Variants in TDRD6 observed in about 807,000 individuals in gnomAD.
The protein encoded by TDRD6 is tudor domain containing 6.
In TDRD6, 186 loss-of-function variants were observed where a neutral mutation model predicts 157.5. The observed-to-expected ratio is 1.18, with a 90% CI of 1.05 to 1.33. The LOEUF (loss-of-function observed/expected upper bound fraction) is 1.33, where lower values mean the gene tolerates loss of function less well. Among genes scored for constraint, TDRD6 ranks in the 40% most tolerant of loss-of-function variants. TDRD6 has a pLI of 0.00. For missense variants in TDRD6, 3,066 were observed against 2,508.0 expected (o/e 1.22, Z -4.75); for synonymous variants, 1,075 against 945.2 (o/e 1.14, Z -2.52).
intron 2 of TDRD6, 25 bp from the exon 3 acceptor site, chr6:46,697,973 T>G (rs1444513032): frequency 6.7e-7 from 1 of 1,492,784 alleles, no homozygotes; most frequent in African/African-American, 1.4e-5. Context: ...TTGGACACTT[T>G]AAAAAAATTT....
Position 46,698,051 on chromosome 6 carries a change from G to GA in TDRD6, c.6227dup (p.Asn2076LysfsTer8). ...AGATAGTGAACCCTGAGAATGTCTG[G>GA]AATGGCATACCCAAATTGGATAAGA... is the stretch of plus-strand genomic sequence containing the variant. On this transcript the variant is annotated frameshift_variant, in exon 3 of 4. Coordinates refer to ENST00000316081, the MANE Select transcript of TDRD6 (RefSeq NM_001010870.3). LOFTEE classifies it high-confidence loss of function. 1 of 1,610,870 alleles carries GA rather than the reference G, an allele frequency of 6.2e-7. No individual in the cohort carries two copies. Among genetic ancestry groups the GA allele is most frequent in the Non-Finnish European group, 8.5e-7 (1 of 1,177,928 alleles).
At position 46,691,252 on chromosome 6, in the gene TDRD6, G is replaced by T. The variant is rs377004832; in HGVS notation, c.3124G>T (p.Ala1042Ser). ...CTTGAACCCTGGAACCTTGTGCCTT[G>T]CCAAGTATACTGATGGAAACTGGTA... ...SPLNPGTLCL[A>S]KYTDGNWYRG... The change falls in exon 1 of 4, where the codon GCC becomes TCC. Residue 1042 changes from alanine (A) to serine (S), a missense_variant. By Grantham distance (99) the Ala-to-Ser change is moderately conservative. Coordinates refer to ENST00000316081, the MANE Select transcript of TDRD6 (RefSeq NM_001010870.3). The T allele has an allele frequency of 3.1e-4, 498 of 1,614,048 alleles. 3 individuals carry two copies. In the South Asian group the frequency reaches 5.1e-3, roughly 16 times the overall value.
chr6:46,681,627 A>G, the TDRD6 span: 19 of 469,388 alleles, frequency 4.0e-5, no homozygotes, highest in African/African-American at 3.4e-4. Flanking sequence ...TCTGGTAACA[A>G]ACAGGAATAT....
rs371685956 is a variant in TDRD6 at position 46,692,934 on chromosome 6, T to G, written c.4806T>G (p.Leu1602=). The part of the protein sequence containing the change: ...ICEDYLVSVR[L]VDFGNIEDCV... ...AAGATTATCTTGTATCTGTCAGGCTTGTGGACTTTGGAAACATTGAAGACT... is the reference window on the plus strand; with the variant it reads ...AAGATTATCTTGTATCTGTCAGGCTGGTGGACTTTGGAAACATTGAAGACT... Residue 1602 remains leucine, a synonymous_variant, in exon 1 of 4, where the codon CTT becomes CTG. Coordinates refer to ENST00000316081, the MANE Select transcript of TDRD6 (RefSeq NM_001010870.3). 3.1e-6 allele frequency: 5 copies of G among 1,613,958 alleles called. No homozygotes were observed. Among genetic ancestry groups the G allele is most frequent in the Non-Finnish European group, 4.2e-6 (5 of 1,179,982 alleles).
Position 46,692,933 on chromosome 6 carries a change from T to C in TDRD6, c.4805T>C (p.Leu1602Pro). 1 of 1,614,068 alleles carries C rather than the reference T, an allele frequency of 6.2e-7. No individual in the cohort carries two copies. The highest frequency in any genetic ancestry group is 2.2e-5 in the East Asian group (1 of 44,866). The stretch of plus-strand genomic sequence containing the variant: ...GAAGATTATCTTGTATCTGTCAGGC[T>C]TGTGGACTTTGGAAACATTGAAGAC... ...ICEDYLVSVRLVDFGNIEDCV... is the reference protein window; with the variant it reads ...ICEDYLVSVRPVDFGNIEDCV... The change falls in exon 1 of 4, where the codon CTT becomes CCT. Residue 1602 changes from leucine to proline, a missense_variant. Physicochemically the swap from Leu to Pro is moderately conservative, Grantham distance 98. Coordinates refer to ENST00000316081, the MANE Select transcript of TDRD6 (RefSeq NM_001010870.3).
rs375601823 is a variant in TDRD6, at chr6:46,689,270, T to G, written c.1142T>G (p.Leu381Arg). 6.2e-7 allele frequency: 1 copy of G among 1,614,100 alleles called. No homozygotes were observed. Reference sequence around the variant, plus strand: ...ACCTACCCTTGTGCTTTGTATGGACTCTGGGACGGTGGGAGAGGCTGGTCT... The same window carrying G: ...ACCTACCCTTGTGCTTTGTATGGACGCTGGGACGGTGGGAGAGGCTGGTCT... ...VVTYPCALYG[L>R]WDGGRGWSRS... is the part of the protein sequence containing the mutation. The change falls in exon 1 of 4, where the codon CTC becomes CGC. Residue 381 changes from leucine (L) to arginine (R), a missense_variant. By Grantham distance (102) the Leu-to-Arg change is moderately radical (BLOSUM62 -2). Coordinates refer to ENST00000316081, the MANE Select transcript of TDRD6 (RefSeq NM_001010870.3).
rs1764337358 is a variant in TDRD6 at position 46,691,886 on chromosome 6, T to C, written c.3758T>C (p.Leu1253Ser). Residue 1253 changes from leucine (L) to serine (S), a missense_variant, in exon 1 of 4, where the codon TTA becomes TCA. Coordinates refer to ENST00000316081, the MANE Select transcript of TDRD6 (RefSeq NM_001010870.3). ...AATAAAAATAGTCAAGTGTTTCCAT[T>C]AACAACAGAAAAGAAAGAAGAAATT... ...VGNKNSQVFP[L>S]TTEKKEEISA... is the part of the protein sequence containing the mutation. 2.5e-6 allele frequency: 4 copies of C among 1,593,856 alleles called. No homozygotes were observed. Among genetic ancestry groups the C allele is most frequent in the African/African-American group, 1.4e-5 (1 of 73,214 alleles).
rs1469545261 is a variant in TDRD6, at chr6:46,692,749, A to G, written c.4621A>G (p.Thr1541Ala). The G allele has an allele frequency of 2.5e-6, 4 of 1,614,216 alleles. No individual in the cohort carries two copies. The highest frequency in any genetic ancestry group is 3.4e-6 in the Non-Finnish European group (4 of 1,180,038). Residue 1541 changes from threonine (T) to alanine (A), a missense_variant, in exon 1 of 4, where the codon ACG becomes GCG. Transcript: ENST00000316081. ...GTACTTTTGGTGTCAGTTTGCTGAT[A>G]CGGAGAAACTTCAGTGTTTAGAAGT... ...PEYFWCQFAD[T>A]EKLQCLEVEV...
In TDRD6 at chr6:46,691,360, C is replaced by G; in HGVS notation, c.3232C>G (p.Leu1078Val). The change falls in exon 1 of 4, where the codon CTG becomes GTG. Residue 1078 changes from leucine (L) to valine (V), a missense_variant. Transcript: ENST00000316081. ...GNIYVVTSDD[L>V]LPIPSDAYDV... ...TATTTATGTAGTAACAAGTGATGAT[C>G]TGCTTCCAATACCTAGTGATGCATA... The G allele has an allele frequency of 6.2e-7, 1 of 1,614,036 alleles. No individual in the cohort carries two copies. The highest frequency in any genetic ancestry group is 8.5e-7 in the Non-Finnish European group (1 of 1,179,938).
At chr6:46,685,600 A>C (rs906724805), upstream of TDRD6, among the ~76,000 whole-genome samples, 2 of 152,056 alleles carry the variant, frequency 1.3e-5, no homozygotes, top group Non-Finnish European at 2.9e-5. Flanking sequence ...CAAACTTCAC[A>C]TACCGGGGCC....
chr6:46,691,959 A>T lies in TDRD6; in HGVS notation c.3831A>T (p.Ser1277=), dbSNP rs1442841859. 1 of 1,613,244 alleles carries T rather than the reference A, an allele frequency of 6.2e-7. No homozygotes were observed. The highest frequency in any genetic ancestry group is 8.5e-7 in the Non-Finnish European group (1 of 1,179,828). ...CAGCAAGAGTAGAAGCTACTCTTTC[A>T]GAGAGAAAAATAGGAGATTCATGTG... The part of the protein sequence containing the change: ...LKTARVEATL[S]ERKIGDSCDK... The change falls in exon 1 of 4, where the codon TCA becomes TCT. Residue 1277 remains serine (S), a synonymous_variant. Coordinates refer to ENST00000316081, the MANE Select transcript of TDRD6 (RefSeq NM_001010870.3).
chr6:46,689,308 G>A lies in TDRD6; in HGVS notation c.1180G>A (p.Gly394Ser). The A allele has an allele frequency of 1.2e-6, 2 of 1,614,114 alleles. No individual in the cohort carries two copies. The highest frequency in any genetic ancestry group is 8.5e-7 in the Non-Finnish European group (1 of 1,180,034). The change falls in exon 1 of 4, where the codon GGT (glycine) becomes AGT (serine). Residue 394 changes from glycine to serine, a missense_variant. Coordinates refer to ENST00000316081, the MANE Select transcript of TDRD6 (RefSeq NM_001010870.3). ...GGRGWSRSQV[G>S]DLKTLILGKA... ...GAGAGGCTGGTCTCGGTCACAGGTC[G>A]GTGACCTGAAGACACTGATACTAGG...
In TDRD6 at chr6:46,691,909, A is replaced by G. The variant is rs373935369; in HGVS notation, c.3781A>G (p.Ile1261Val). 2.6e-5 allele frequency: 41 copies of G among 1,594,440 alleles called. No individual in the cohort carries two copies. The African/African-American group carries it at 4.8e-4, about 19-fold the overall frequency. ...FPLTTEKKEEISAETPLKTAR... is the reference protein window; with the variant it reads ...FPLTTEKKEEVSAETPLKTAR... ...ATTAACAACAGAAAAGAAAGAAGAA[A>G]TTTCTGCTGAGACACCCTTGAAAAC... Residue 1261 changes from isoleucine (I) to valine (V), a missense_variant, in exon 1 of 4, where the codon ATT becomes GTT. By Grantham distance (29) the Ile-to-Val change is conservative. Transcript: ENST00000316081.
upstream of TDRD6, among the ~76,000 whole-genome samples, chr6:46,683,831 A>G (rs1404363821): frequency 1.3e-5 from 2 of 152,098 alleles, no homozygotes; most frequent in Admixed American, 1.3e-4. Flanking sequence ...TAACTCTGAA[A>G]ATTTTATTAT....
chr6:46,700,479 A>G (rs1204157262), intron 3 of TDRD6, among the ~76,000 whole-genome samples: 2 of 152,146 alleles, frequency 1.3e-5, no homozygotes, highest in Admixed American at 6.5e-5. Context: ...TGATCTAGGA[A>G]TCTAATTACT....
chr6:46,695,719 A>G, intron 1 of TDRD6, 102 bp from the exon 2 acceptor site: 2 of 1,188,474 alleles, frequency 1.7e-6, no homozygotes, highest in Non-Finnish European at 2.3e-6. Context: ...CATGATATTG[A>G]TGATATAGAA....
At position 46,691,483 on chromosome 6, in the gene TDRD6, AT is replaced by A; in HGVS notation, c.3359del (p.Leu1120Ter). 6.2e-7 allele frequency: 1 copy of A among 1,614,070 alleles called. No homozygotes were observed. Among genetic ancestry groups the A allele is most frequent in the African/African-American group, 1.3e-5 (1 of 75,054 alleles). On this transcript the variant is annotated frameshift_variant, in exon 1 of 4. Transcript: ENST00000316081. LOFTEE classifies it high-confidence loss of function. Reference protein sequence around the residue: ...EEVVVWFQETILDKSLKALVV... With the variant: ...EEVVVWFQETXLDKSLKALVV... ...AGTGGTGGTGTGGTTTCAGGAGACT[AT>A]TTTAGATAAGTCATTGAAGGCTTTA...
At chr6:46,695,430 T>G (rs1418000474) in intron 1 of TDRD6, among the ~76,000 whole-genome samples, 1 of 152,188 alleles carries the variant, frequency 6.6e-6, no homozygotes, top group African/African-American at 2.4e-5. Context: ...ATTGTCATAT[T>G]TAATAATAGT....
In TDRD6 at chr6:46,703,592, T is replaced by C. The variant is rs1366685538; in HGVS notation, c.*1705T>C. The C allele has an allele frequency of 6.6e-6, 1 of 152,038 alleles. No homozygotes were observed. The highest frequency in any genetic ancestry group is 2.4e-5 in the African/African-American group (1 of 41,404). The allele number at this position is 152,038 out of a possible 1,614,324, so 9.4% of individuals were successfully genotyped here. A position where few individuals can be genotyped will look rare whatever the true frequency, so the allele number is the denominator to read the frequency against. ...GGACTAGGGTACCAAATGAGTGGTATAAATTTTTATGTCCCCTGGGAAATA... is the reference window on the plus strand; with the variant it reads ...GGACTAGGGTACCAAATGAGTGGTACAAATTTTTATGTCCCCTGGGAAATA... On this transcript the variant is annotated 3_prime_UTR_variant, in exon 4 of 4. Coordinates refer to ENST00000316081, the MANE Select transcript of TDRD6 (RefSeq NM_001010870.3).
Sources: gnomAD v4.1 joint callset for allele counts (sites outside exome capture counted in the v4.1 genomes callset) on GRCh38, gnomAD v4.1.1 for gene constraint, MANE v1.5 for transcripts, NCBI Gene and HGNC (gene_info 2026-07-23, HGNC 2026-07-21) for gene names.